ADGRL3: variants seen among roughly 807,000 people sequenced by gnomAD.
The protein encoded by ADGRL3 is adhesion G protein-coupled receptor L3, also known as calcium-independent alpha-latrotoxin receptor 3.
A neutral mutation model predicts 153.5 loss-of-function variants in ADGRL3; 62 were observed. The observed-to-expected ratio is 0.40, with a 90% confidence interval of 0.33 to 0.50. The LOEUF is 0.50. ADGRL3 is among the 20% of genes least tolerant of loss of function. ADGRL3 has a pLI of 0.47. For synonymous variants in ADGRL3, 710 were observed against 672.5 expected, an observed-to-expected ratio of 1.06 and a Z score of -0.86; for missense variants, 1,641 against 1,859.4, an observed-to-expected ratio of 0.88 and a Z score of 2.16.
chr4:61,253,927 T>C (rs935017768), intron 1 of ADGRL3, among the ~76,000 whole-genome samples: 1 of 152,174 alleles, frequency 6.6e-6, no homozygotes, highest in African/African-American at 2.4e-5. Flanking sequence ...ATCCCTATGA[T>C]TCTGTGAACC....
chr4:61,228,600 TG>T (rs1405139198), intron 1 of ADGRL3, among the ~76,000 whole-genome samples: 1 of 152,204 alleles, frequency 6.6e-6, no homozygotes, highest in Non-Finnish European at 1.5e-5. Context: ...CCATGACAGA[TG>T]AAAATTTGGA....
chr4:61,647,692 A>T (rs2094081027), intron 5 of ADGRL3, among the ~76,000 whole-genome samples: 1 of 152,174 alleles, frequency 6.6e-6, no homozygotes, highest in Non-Finnish European at 1.5e-5. Flanking sequence ...AATATACTGA[A>T]ATTATCAATA....
intron 4 of ADGRL3, among the ~76,000 whole-genome samples, chr4:61,567,583 C>T (rs930730688): frequency 6.6e-6 from 1 of 152,154 alleles, no homozygotes; most frequent in Non-Finnish European, 1.5e-5. Context: ...ACCTCCCAGC[C>T]TCCAGAACGA....
rs2098762239 is a variant in ADGRL3 at position 61,920,199 on chromosome 4, G to T, written c.2112+7442G>T. ...AAATAGATATTATTTCTATGCAAAT[G>T]CAAGAGAATACACATCAATTTACTT... On this transcript the variant is annotated intron_variant, in intron 13 of 26. Coordinates refer to ENST00000683033, the MANE Select transcript of ADGRL3 (RefSeq NM_001387552.1). Among the ~76,000 whole-genome samples, 9 of 152,228 alleles carry T rather than the reference G, an allele frequency of 5.9e-5. No individual in the cohort carries two copies. In the South Asian group the frequency reaches 1.9e-3, roughly 32 times the overall value.
intron 8 of ADGRL3, among the ~76,000 whole-genome samples, chr4:61,757,466 A>G (rs533285500): frequency 6.6e-6 from 1 of 152,232 alleles, no homozygotes; most frequent in South Asian, 2.1e-4. Flanking sequence ...CGGCAGTGAT[A>G]TCCCCTTTAT....
intron 1 of ADGRL3, among the ~76,000 whole-genome samples, chr4:61,241,612 G>C (rs995431558): frequency 6.6e-6 from 1 of 151,940 alleles, no homozygotes; most frequent in South Asian, 2.1e-4. Flanking sequence ...GTTTGAATTG[G>C]AAGTGACCTG....
chr4:61,570,385 C>A (rs1485754639), intron 4 of ADGRL3, among the ~76,000 whole-genome samples: 1 of 151,980 alleles, frequency 6.6e-6, no homozygotes, highest in Non-Finnish European at 1.5e-5. Flanking sequence ...TAATATAATC[C>A]AAACTTTTAT....
chr4:61,305,191 A>C (rs1161345644), intron 1 of ADGRL3, among the ~76,000 whole-genome samples: 2 of 151,146 alleles, frequency 1.3e-5, no homozygotes, highest in African/African-American at 4.9e-5. Context: ...TTTTTTAACT[A>C]TTTTGAGTCT....
rs191448266 is a variant in ADGRL3 at position 61,239,668 on chromosome 4, A to G, written c.-240+37903A>G. Among the ~76,000 whole-genome samples the G allele has an allele frequency of 7.2e-5, 11 of 152,218 alleles. No individual in the cohort carries two copies. In the East Asian group the frequency reaches 2.1e-3, roughly 30 times the overall value. Reference sequence around the variant, plus strand: ...GTAGGTTTTCAAATGAAAAACAGGAAAAAAGAAGAAGCTGGAAATATAATG... The same window carrying G: ...GTAGGTTTTCAAATGAAAAACAGGAGAAAAGAAGAAGCTGGAAATATAATG... On this transcript the variant is annotated intron_variant, in intron 1 of 26. Transcript: ENST00000683033.
At chr4:61,641,615 C>A (rs1407546580) in intron 5 of ADGRL3, among the ~76,000 whole-genome samples, 1 of 152,018 alleles carries the variant, frequency 6.6e-6, no homozygotes, top group African/African-American at 2.4e-5. Flanking sequence ...AGGACATGAA[C>A]TCATCAATTT....
At chr4:61,931,020 A>C (rs2098815487) in intron 13 of ADGRL3, among the ~76,000 whole-genome samples, 1 of 152,216 alleles carries the variant, frequency 6.6e-6, no homozygotes, top group Non-Finnish European at 1.5e-5. Context: ...CTATTTAATT[A>C]ACCTTCATTT....
intron 21 of ADGRL3, among the ~76,000 whole-genome samples, chr4:62,017,019 T>A (rs1334648224): frequency 6.6e-6 from 1 of 152,086 alleles, no homozygotes; most frequent in African/African-American, 2.4e-5. Context: ...ATATTACTGA[T>A]TTTTGCATGT....
intron 9 of ADGRL3, among the ~76,000 whole-genome samples, chr4:61,841,145 C>A (rs2098025206): frequency 6.6e-6 from 1 of 152,138 alleles, no homozygotes; most frequent in Non-Finnish European, 1.5e-5. Flanking sequence ...CTCTTGCCAT[C>A]CCTACTCTAC....
chr4:61,715,630 A>G (rs1040518125), intron 6 of ADGRL3, among the ~76,000 whole-genome samples: 3 of 152,274 alleles, frequency 2.0e-5, no homozygotes, highest in Non-Finnish European at 4.4e-5. Context: ...TCTGGCATGT[A>G]TCTAATCAGT....
chr4:61,318,193 C>CAAAAAAAAA (rs757545966), intron 1 of ADGRL3, among the ~76,000 whole-genome samples: 23 of 48,578 alleles, frequency 4.7e-4, no homozygotes, highest in South Asian at 8.4e-4. Flanking sequence ...GAACCTGTCT[C>CAAAAAAAAA]AAAAAAAAAA....
At chr4:61,647,019 G>T (rs985028797) in intron 5 of ADGRL3, among the ~76,000 whole-genome samples, 3 of 152,142 alleles carry the variant, frequency 2.0e-5, no homozygotes, top group African/African-American at 4.8e-5. Flanking sequence ...GCAGTCTTCG[G>T]GTGGGAGTCA....
In ADGRL3 at chr4:61,979,551, TTG is replaced by T; in HGVS notation, c.2806-8_2806-7del. The T allele has an allele frequency of 6.2e-7, 1 of 1,612,034 alleles. No individual in the cohort carries two copies. The highest frequency in any genetic ancestry group is 1.8e-4 in the Middle Eastern group (1 of 5,552). The stretch of plus-strand genomic sequence containing the variant: ...ATAAGCGCAACTTATGGCTTTTTCA[TTG>T]TGTTTCCAGCACAGTGATGCGGTCC... On this transcript the variant is annotated splice_polypyrimidine_tract_variant and intron_variant, in intron 17 of 26. Transcript: ENST00000683033.
At chr4:61,895,518 G>A (rs1033564585) in intron 10 of ADGRL3, among the ~76,000 whole-genome samples, 4 of 151,906 alleles carry the variant, frequency 2.6e-5, no homozygotes, top group African/African-American at 9.7e-5. Context: ...TACCTAATGT[G>A]GCTGCCACAA....
At chr4:61,905,166 T>C (rs2098689421) in intron 11 of ADGRL3, among the ~76,000 whole-genome samples, 2 of 152,154 alleles carry the variant, frequency 1.3e-5, no homozygotes, top group African/African-American at 4.8e-5. Context: ...TCCAGCTATC[T>C]TAGATATTCC....
Sources: allele counts gnomAD v4.1 joint callset (sites outside exome capture counted in the v4.1 genomes callset), GRCh38; gene constraint gnomAD v4.1.1; transcripts MANE v1.5; gene names NCBI Gene and HGNC (gene_info 2026-07-23, HGNC 2026-07-21).